SNW1: variants seen among roughly 807,000 people sequenced by gnomAD.
SNW1 encodes SNW domain-containing protein 1.
SNW1 carries 9 observed loss-of-function variants against 75.6 expected under a neutral mutation model. That is an observed-to-expected ratio of 0.12 (90% CI 0.07 to 0.21). The LOEUF is 0.21. Ranked by LOEUF, SNW1 falls within the 10% of genes least tolerant of loss-of-function variation. The probability of loss-of-function intolerance (pLI) is 1.00; values close to 1 mark genes in which losing one functional copy is unlikely to be tolerated. For synonymous variants in SNW1, 200 were observed against 219.1 expected, an observed-to-expected ratio of 0.91 and a Z score of 0.77; for missense variants, 409 against 670.9, an observed-to-expected ratio of 0.61 and a Z score of 4.31.
At chr14:77,727,523 T>C (rs1368860911) in intron 10 of SNW1, among the ~76,000 whole-genome samples, 1 of 152,214 alleles carries the variant, frequency 6.6e-6, no homozygotes, top group Admixed American at 6.5e-5. Context: ...AGCTGTGGGT[T>C]TGTCATATAT....
intron 8 of SNW1, 27 bp downstream of exon 8, chr14:77,734,920 T>TA: frequency 6.6e-7 from 1 of 1,508,932 alleles, no homozygotes; most frequent in African/African-American, 1.4e-5. Flanking sequence ...GTTATACTAA[T>TA]AGAGACTGAT....
rs1276768592 is a variant in SNW1 at position 77,720,512 on chromosome 14, C to T, written c.1248+199G>A. 5 of 719,304 alleles carry T rather than the reference C, an allele frequency of 7.0e-6. No homozygotes were observed. In the East Asian group the frequency reaches 1.0e-4, roughly 15 times the overall value. 44.6% of individuals were successfully genotyped at this position (719,304 alleles called of 1,614,324 possible). Reference sequence around the variant, plus strand: ...TTAATCACCTAATTTCTTTCTTCTCCTAGTGTCTCAAATCTCAGCCCACTA... The same window carrying T: ...TTAATCACCTAATTTCTTTCTTCTCTTAGTGTCTCAAATCTCAGCCCACTA... On this transcript the variant is annotated intron_variant, in intron 12 of 13. Transcript: ENST00000261531.
intron 1 of SNW1, chr14:77,760,840 G>A (rs771132352): frequency 1.4e-6 from 1 of 739,888 alleles, no homozygotes; most frequent in Non-Finnish European, 2.4e-6. Context: ...CCCGCAAGAT[G>A]CTCACGCGAA....
At chr14:77,739,663 T>C (rs909488513) in intron 3 of SNW1, among the ~76,000 whole-genome samples, 36 of 152,208 alleles carry the variant, frequency 2.4e-4, no homozygotes, top group African/African-American at 8.2e-4. Context: ...ACTTATTTTA[T>C]ATCCATTATC....
chr14:77,761,047 G>A (rs781036180), intron 1 of SNW1, 67 bp downstream of exon 1: 104 of 1,614,224 alleles, frequency 6.4e-5, no homozygotes, highest in Non-Finnish European at 8.2e-5. Flanking sequence ...GAGGGTATGG[G>A]AAGAGAAATG....
At position 77,718,504 on chromosome 14, in the gene SNW1, T is replaced by G; in HGVS notation, c.1275A>C (p.Gly425=). ...CATAAACATTATAAATTTCATCTTC[T>G]CCACCTGCAAATCCACTGTCCATAC... The part of the protein sequence containing the change: ...SKGMDSGFAG[G]EDEIYNVYDQ... Residue 425 remains glycine, a synonymous_variant, in exon 13 of 14, where the codon GGA becomes GGC. Transcript: ENST00000261531. The G allele has an allele frequency of 6.2e-7, 1 of 1,612,344 alleles. No homozygotes were observed. Among genetic ancestry groups the G allele is most frequent in the Non-Finnish European group, 8.5e-7 (1 of 1,178,642 alleles).
chr14:77,733,729 A>G, intron 8 of SNW1, among the ~76,000 whole-genome samples: 1 of 129,892 alleles, frequency 7.7e-6, no homozygotes, highest in Non-Finnish European at 1.6e-5. Context: ...TGGGCAACAG[A>G]GCGAGACCGT....
At chr14:77,747,088 C>T (rs998860196) in intron 3 of SNW1, among the ~76,000 whole-genome samples, 31 of 152,120 alleles carry the variant, frequency 2.0e-4, no homozygotes, top group Non-Finnish European at 1.0e-4. Flanking sequence ...GACTGGTTTT[C>T]GTATTTTTTT....
At chr14:77,723,717 C>T (rs548074625) in intron 10 of SNW1, among the ~76,000 whole-genome samples, 8 of 151,960 alleles carry the variant, frequency 5.3e-5, no homozygotes, top group South Asian at 2.1e-4. Context: ...TGCAGTGGCG[C>T]GATCTCAGCT....
At chr14:77,751,845 C>CACCA (rs1555388654) in intron 2 of SNW1, among the ~76,000 whole-genome samples, 1,456 of 122,470 alleles carry the variant, frequency 0.012, 17 homozygotes, top group South Asian at 0.033. Flanking sequence ...CACACACACA[C>CACCA]CACACACACA....
intron 3 of SNW1, among the ~76,000 whole-genome samples, chr14:77,747,198 C>T (rs915668464): frequency 3.9e-4 from 60 of 152,322 alleles, no homozygotes; most frequent in African/African-American, 1.4e-3. Flanking sequence ...GGATTGCAGA[C>T]GGAGTCTCAC....
At chr14:77,719,187 C>T (rs1275770680) in intron 12 of SNW1, among the ~76,000 whole-genome samples, 1 of 152,000 alleles carries the variant, frequency 6.6e-6, no homozygotes, top group African/African-American at 2.4e-5. Context: ...AGGCGTGAGC[C>T]ACAGTGCCCA....
At chr14:77,736,159 A>G (rs2080669717) in intron 6 of SNW1, among the ~76,000 whole-genome samples, 153 bp from the exon 7 acceptor site, 1 of 152,220 alleles carries the variant, frequency 6.6e-6, no homozygotes, top group Non-Finnish European at 1.5e-5. Context: ...CACTTTGACA[A>G]TGAATAAAAC....
intron 11 of SNW1, chr14:77,722,455 A>G (rs2080549163): frequency 2.2e-6 from 1 of 452,300 alleles, no homozygotes; most frequent in Non-Finnish European, 4.4e-6. Flanking sequence ...ATGCAGTACT[A>G]TGCATATAAA....
intron 11 of SNW1, 42 bp downstream of exon 11, chr14:77,723,139 G>T: frequency 6.6e-7 from 1 of 1,504,914 alleles, no homozygotes. Flanking sequence ...GAACCACTGC[G>T]CCCGGCCACC....
At chr14:77,725,747 G>A (rs1257152079) in intron 10 of SNW1, among the ~76,000 whole-genome samples, 1 of 152,034 alleles carries the variant, frequency 6.6e-6, no homozygotes, top group Non-Finnish European at 1.5e-5. Flanking sequence ...GCAAAACCCT[G>A]TCTCTAAAAT....
At chr14:77,723,921 A>G (rs910925561) in intron 10 of SNW1, among the ~76,000 whole-genome samples, 2 of 152,204 alleles carry the variant, frequency 1.3e-5, no homozygotes, top group African/African-American at 2.4e-5. Flanking sequence ...ACAAGAGAAT[A>G]TTTTTTAACC....
At chr14:77,719,140 A>G (rs1168154588) in intron 12 of SNW1, among the ~76,000 whole-genome samples, 1 of 152,070 alleles carries the variant, frequency 6.6e-6, no homozygotes, top group Non-Finnish European at 1.5e-5. Flanking sequence ...GGTTCAAGCA[A>G]TCTGCCTGCC....
intron 11 of SNW1, 37 bp from the exon 12 acceptor site, chr14:77,720,865 T>A (rs1424277747): frequency 7.6e-7 from 1 of 1,310,452 alleles, no homozygotes; most frequent in Non-Finnish European, 1.1e-6. Flanking sequence ...TGAAAACTCT[T>A]TATAGACAAG....
Sources: gnomAD v4.1 joint callset for allele counts (sites outside exome capture counted in the v4.1 genomes callset) on GRCh38, gnomAD v4.1.1 for gene constraint, MANE v1.5 for transcripts, NCBI Gene and HGNC (gene_info 2026-07-23, HGNC 2026-07-21) for gene names.